The following CIMAP1A variants were observed in gnomAD, a reference collection of about 807,000 sequenced individuals.
The protein encoded by CIMAP1A is ciliary microtubule associated protein 1A.
At chr11:198,476 A>G in the CIMAP1A span, 1 of 1,613,278 alleles carries the variant, frequency 6.2e-7, no homozygotes, top group South Asian at 1.1e-5. Flanking sequence ...CCCGCTGCGT[A>G]CATGCTGCCC....
At chr11:198,710 C>A in the CIMAP1A span, 2 of 1,486,994 alleles carry the variant, frequency 1.3e-6, no homozygotes, top group African/African-American at 1.4e-5. Flanking sequence ...GCCCTTCACC[C>A]TCTGGGCACC....
the CIMAP1A span, chr11:199,174 T>C: frequency 7.0e-7 from 1 of 1,422,798 alleles, no homozygotes; most frequent in Non-Finnish European, 9.2e-7. Flanking sequence ...ATGGAGGAAG[T>C]GACCCCCACA....
chr11:199,067 A>G, the CIMAP1A span: 1 of 1,256,312 alleles, frequency 8.0e-7, no homozygotes, highest in Non-Finnish European at 1.0e-6. Context: ...CCAGGCCCTC[A>G]GGTCCAACAG....
At chr11:197,612 G>GT in the CIMAP1A span, 1 of 1,613,452 alleles carries the variant, frequency 6.2e-7, no homozygotes, top group Non-Finnish European at 8.5e-7. Flanking sequence ...TACAGCTTCC[G>GT]TGGGGCCCCC....
chr11:199,412 C>G, the CIMAP1A span: 46 of 1,574,940 alleles, frequency 2.9e-5, no homozygotes, highest in East Asian at 9.8e-4. Context: ...GTGCGGGTGA[C>G]CAAGTTCAAG....
the CIMAP1A span, chr11:199,507 A>G: frequency 1.3e-6 from 2 of 1,553,534 alleles, no homozygotes; most frequent in South Asian, 2.4e-5. Context: ...CAGCCCTGAG[A>G]AGGTCCAGGA....
the CIMAP1A span, chr11:199,447 C>T: frequency 6.4e-6 from 10 of 1,565,740 alleles, no homozygotes; most frequent in African/African-American, 1.4e-5. Context: ...CATGGCTGCC[C>T]GTGTGGAGCC....
chr11:198,892 G>T, the CIMAP1A span: 1 of 1,262,618 alleles, frequency 7.9e-7, no homozygotes. Flanking sequence ...AGAAGAGGAG[G>T]AGGAAAAAAT....
the CIMAP1A span, chr11:199,259 C>T: frequency 2.0e-6 from 3 of 1,497,510 alleles, no homozygotes; most frequent in Non-Finnish European, 2.7e-6. Context: ...GATGCACGGG[C>T]ACCAACTTGT....
chr11:198,012 A>T, the CIMAP1A span: 1 of 1,537,660 alleles, frequency 6.5e-7, no homozygotes, highest in Non-Finnish European at 8.7e-7. Context: ...GCTCAAAAAT[A>T]GCCTTTGTCT....
chr11:199,637 A>C, the CIMAP1A span: 11 of 1,195,826 alleles, frequency 9.2e-6, no homozygotes, highest in Non-Finnish European at 1.2e-5. Context: ...CTATGGAAGG[A>C]CACAGCCAAG....
the CIMAP1A span, chr11:198,833 A>C: frequency 3.6e-6 from 5 of 1,376,606 alleles, no homozygotes; most frequent in South Asian, 1.7e-5. Flanking sequence ...GGGGTTTAGG[A>C]AGCACTGTCT....
At chr11:197,844 C>A in the CIMAP1A span, 1 of 1,532,274 alleles carries the variant, frequency 6.5e-7, no homozygotes, top group South Asian at 1.2e-5. Flanking sequence ...CTCATGTCAG[C>A]AAGGGTGTGG....
chr11:197,508 G>A, the CIMAP1A span: 29 of 1,598,182 alleles, frequency 1.8e-5, no homozygotes, highest in East Asian at 1.8e-4. Flanking sequence ...GACTCCCAGC[G>A]GGGAGAAGGG....
At chr11:199,444 G>T in the CIMAP1A span, 176 of 1,567,470 alleles carry the variant, frequency 1.1e-4, no homozygotes, top group African/African-American at 1.6e-3. Flanking sequence ...CACCATGGCT[G>T]CCCGTGTGGA....
At chr11:199,122 A>G in the CIMAP1A span, 1 of 1,380,114 alleles carries the variant, frequency 7.2e-7, no homozygotes, top group South Asian at 1.5e-5. Flanking sequence ...TGTTCCCAGG[A>G]CTGGCACACA....
chr11:199,246 C>T, the CIMAP1A span: 1 of 1,485,864 alleles, frequency 6.7e-7, no homozygotes, highest in East Asian at 2.5e-5. Flanking sequence ...AGAAGGGGAC[C>T]TTGATGCACG....
the CIMAP1A span, chr11:199,534 G>A: frequency 4.5e-6 from 7 of 1,547,350 alleles, no homozygotes; most frequent in Middle Eastern, 1.8e-4. Context: ...CAGCTCAGAG[G>A]GGTCAGGGTG....
At chr11:197,407 A>G in the CIMAP1A span, 4 of 1,601,298 alleles carry the variant, frequency 2.5e-6, no homozygotes, top group Non-Finnish European at 3.4e-6. Flanking sequence ...GATTCCACCA[A>G]CAACAGGTAA....
Sources: allele counts gnomAD v4.1 joint callset, GRCh38; gene constraint gnomAD v4.1.1; transcripts MANE v1.5; gene names NCBI Gene and HGNC (gene_info 2026-07-23, HGNC 2026-07-21).